The following PLAG1 variants were observed in gnomAD, a reference collection of about 807,000 sequenced individuals.
The protein encoded by PLAG1 is zinc finger protein PLAG1.
A neutral mutation model predicts 35.5 loss-of-function variants in PLAG1; 7 were observed. The ratio of observed to expected loss-of-function variants is 0.20; its 90% CI spans 0.11 to 0.37. PLAG1 has a LOEUF of 0.37. Ranked by LOEUF, PLAG1 falls within the 10% of genes least tolerant of loss-of-function variation. The pLI is 1.00. For synonymous variants in PLAG1, 229 were observed against 225.4 expected (o/e 1.02, Z -0.14); for missense variants, 454 against 602.8 (o/e 0.75, Z 2.58).
chr8:56,193,207 A>G (rs1036085485), intron 1 of PLAG1, among the ~76,000 whole-genome samples: 2 of 152,208 alleles, frequency 1.3e-5, no homozygotes, highest in Non-Finnish European at 2.9e-5. Context: ...TAACTGCATC[A>G]AAAGAGTCTG....
rs564546607 is a variant in PLAG1 at position 56,163,066 on chromosome 8, T to G, written c.*3177A>C. On this transcript the variant is annotated 3_prime_UTR_variant, in exon 5 of 5. Coordinates refer to ENST00000316981, the MANE Select transcript of PLAG1 (RefSeq NM_002655.3). ...ACTTGTATACATCAATGGATAGCAT[T>G]GCTTACAGTGCCAAGATCCTTCCAC... The G allele has an allele frequency of 4.7e-6, 1 of 211,938 alleles. No individual in the cohort carries two copies. Among genetic ancestry groups the G allele is most frequent in the South Asian group, 1.9e-4 (1 of 5,342 alleles). 13.1% of individuals were successfully genotyped at this position (211,938 alleles called of 1,614,324 possible).
rs554326437 is a variant in PLAG1, at chr8:56,201,449, A to C, written c.-322+9672T>G. Among the ~76,000 whole-genome samples the C allele has an allele frequency of 3.9e-5, 6 of 152,316 alleles. No homozygotes were observed. In the South Asian group the frequency reaches 1.2e-3, roughly 32 times the overall value. On this transcript the variant is annotated intron_variant, in intron 1 of 4. Coordinates refer to ENST00000316981, the MANE Select transcript of PLAG1 (RefSeq NM_002655.3). ...TAGAAAAATCTCCTTTAGCTTAATA[A>C]GTTGATAAATTTCCCCAATTCCTTA...
chr8:56,196,815 G>GTC (rs991027250), intron 1 of PLAG1, among the ~76,000 whole-genome samples: 3 of 151,960 alleles, frequency 2.0e-5, no homozygotes, highest in Admixed American at 6.6e-5. Flanking sequence ...CTATGCATGT[G>GTC]TCTCTCTCTC....
intron 1 of PLAG1, among the ~76,000 whole-genome samples, chr8:56,181,214 T>G (rs1563381138): frequency 6.6e-6 from 1 of 152,238 alleles, no homozygotes; most frequent in Non-Finnish European, 1.5e-5. Flanking sequence ...ATCCCATTAC[T>G]GGGTATATAC....
Position 56,167,560 on chromosome 8 carries a change from A to C in PLAG1, c.243-57T>G. The C allele has an allele frequency of 1.8e-6, 2 of 1,138,094 alleles. No individual in the cohort carries two copies. Among genetic ancestry groups the C allele is most frequent in the Non-Finnish European group, 2.5e-6 (2 of 798,524 alleles). 70.5% of individuals were successfully genotyped at this position (1,138,094 alleles called of 1,614,324 possible). ...ATTATGACAAAAATGGCATGTATTCACTTTTCAAATGGAAGCTAAACTACT... is the reference window on the plus strand; with the variant it reads ...ATTATGACAAAAATGGCATGTATTCCCTTTTCAAATGGAAGCTAAACTACT... On this transcript the variant is annotated intron_variant, in intron 4 of 4. Coordinates refer to ENST00000316981, the MANE Select transcript of PLAG1 (RefSeq NM_002655.3). The surrounding 1 kb of genome is among the most constrained non-coding windows in gnomAD (Gnocchi z 5.9).
At position 56,196,787 on chromosome 8, in the gene PLAG1, A is replaced by ATG. The variant is rs1491212175; in HGVS notation, c.-322+14332_-322+14333dup. Among the ~76,000 whole-genome samples, 449 of 148,570 alleles carry ATG rather than the reference A, an allele frequency of 3.0e-3. 1 individual carries two copies. Among genetic ancestry groups the ATG allele is most frequent in the African/African-American group, 9.6e-3 (394 of 41,198 alleles). On this transcript the variant is annotated intron_variant, in intron 1 of 4. Transcript: ENST00000316981. ...TCCTGCCTCCTGCCGTGCATAATAC[A>ATG]TGTGTGTGTGTCCTCCTCTATGCAT...
intron 1 of PLAG1, among the ~76,000 whole-genome samples, chr8:56,184,239 C>A (rs1387200516): frequency 6.6e-6 from 1 of 152,140 alleles, no homozygotes; most frequent in Non-Finnish European, 1.5e-5. Context: ...ACGAAAAGAT[C>A]ACTGATCATT....
Position 56,166,670 on chromosome 8 carries a change from T to G in PLAG1, c.1076A>C (p.Tyr359Ser). The part of the protein sequence containing the change: ...EQPLKGEIES[Y>S]LMELQGGVPS... Reference sequence around the variant, plus strand: ...CACGCCACCTTGTAACTCCATCAGGTAACTCTCAATTTCCCCCTTTAATGG... The same window carrying G: ...CACGCCACCTTGTAACTCCATCAGGGAACTCTCAATTTCCCCCTTTAATGG... The change falls in exon 5 of 5, where the codon TAC (tyrosine) becomes TCC (serine). Residue 359 changes from tyrosine to serine, a missense_variant. Physicochemically the swap from Tyr to Ser is moderately radical, Grantham distance 144. Around this residue, in one of 4 missense-constraint regions of PLAG1, gnomAD observed 271 missense variants for 315.6 expected, o/e 0.86. Coordinates refer to ENST00000316981, the MANE Select transcript of PLAG1 (RefSeq NM_002655.3). 6.2e-7 allele frequency: 1 copy of G among 1,614,112 alleles called. No individual in the cohort carries two copies. Among genetic ancestry groups the G allele is most frequent in the Non-Finnish European group, 8.5e-7 (1 of 1,179,992 alleles).
At chr8:56,186,071 T>A (rs1812009207) in intron 1 of PLAG1, among the ~76,000 whole-genome samples, 1 of 151,882 alleles carries the variant, frequency 6.6e-6, no homozygotes, top group Non-Finnish European at 1.5e-5. Context: ...TTCAGGGGAT[T>A]CACTGTTTTT....
At chr8:56,179,022 A>AC (rs1350071600) in intron 2 of PLAG1, among the ~76,000 whole-genome samples, 8 of 127,020 alleles carry the variant, frequency 6.3e-5, no homozygotes, top group African/African-American at 2.3e-4. Flanking sequence ...CGCCCAGGAG[A>AC]CAAAAAAAAA....
chr8:56,166,786 A>C lies in PLAG1; in HGVS notation c.960T>G (p.Asp320Glu). ...GGTGAGAGGGATGAACAGTGTCCAT[A>C]TCTATTGGGCATGTCATTCCCAAAG... ...TLPLGMTCPIDMDTVHPSHHL... is the reference protein window; with the variant it reads ...TLPLGMTCPIEMDTVHPSHHL... Residue 320 changes from aspartate to glutamate, a missense_variant, in exon 5 of 5, where the codon GAT becomes GAG. By Grantham distance (45) the Asp-to-Glu change is conservative. This residue lies in a region of PLAG1 where 271 missense variants were observed against 315.6 expected (regional missense o/e 0.86). Coordinates refer to ENST00000316981, the MANE Select transcript of PLAG1 (RefSeq NM_002655.3). 6.2e-7 allele frequency: 1 copy of C among 1,614,044 alleles called. No individual in the cohort carries two copies. The highest frequency in any genetic ancestry group is 8.5e-7 in the Non-Finnish European group (1 of 1,179,912).
intron 1 of PLAG1, among the ~76,000 whole-genome samples, chr8:56,199,962 C>A (rs2129233924): frequency 6.6e-6 from 1 of 152,280 alleles, no homozygotes; most frequent in East Asian, 1.9e-4. Flanking sequence ...CAGCTCTGAA[C>A]CTCAGTGGGT....
At chr8:56,191,949 C>T (rs1481695416) in intron 1 of PLAG1, among the ~76,000 whole-genome samples, 8 of 152,012 alleles carry the variant, frequency 5.3e-5, no homozygotes, top group Admixed American at 2.0e-4. Context: ...TTAGGCAAAA[C>T]GATAACAAGT....
intron 1 of PLAG1, among the ~76,000 whole-genome samples, chr8:56,203,959 G>T (rs117049192): frequency 2.8e-3 from 423 of 151,986 alleles, no homozygotes; most frequent in Non-Finnish European, 5.3e-3. Flanking sequence ...CATGTTTGAG[G>T]TGTAGCTTAT....
At position 56,163,296 on chromosome 8, in the gene PLAG1, A is replaced by G; in HGVS notation, c.*2947T>C. The G allele has an allele frequency of 5.2e-6, 1 of 192,256 alleles. No homozygotes were observed. Among genetic ancestry groups the G allele is most frequent in the Middle Eastern group, 1.8e-3 (1 of 556 alleles). 11.9% of individuals were successfully genotyped at this position (192,256 alleles called of 1,614,324 possible). On this transcript the variant is annotated 3_prime_UTR_variant, in exon 5 of 5. Transcript: ENST00000316981. ...TAATGATTCTGGCCACTAGAGAATG[A>G]AAACAGCATTGGCAATACTTATTTT...
chr8:56,188,038 T>C (rs1443502253), intron 1 of PLAG1, among the ~76,000 whole-genome samples: 2 of 152,206 alleles, frequency 1.3e-5, no homozygotes, highest in Non-Finnish European at 2.9e-5. Context: ...AATGCACCTA[T>C]GAAAATATTA....
chr8:56,190,375 A>T (rs1812147536), intron 1 of PLAG1, among the ~76,000 whole-genome samples: 1 of 152,222 alleles, frequency 6.6e-6, no homozygotes. Flanking sequence ...GAAAGCCAGG[A>T]TGCTCTAAGG....
At chr8:56,176,482 G>T (rs1451425813) in intron 2 of PLAG1, among the ~76,000 whole-genome samples, 1 of 151,826 alleles carries the variant, frequency 6.6e-6, no homozygotes, top group Non-Finnish European at 1.5e-5. Flanking sequence ...ACAATGGGTG[G>T]TACAACACTG....
chr8:56,208,811 G>C (rs1412102121), intron 1 of PLAG1, among the ~76,000 whole-genome samples: 2 of 152,234 alleles, frequency 1.3e-5, no homozygotes, highest in Admixed American at 1.3e-4. Flanking sequence ...GTAGTTTATG[G>C]TCAGTAAACA....
Sources: allele counts gnomAD v4.1 joint callset (sites outside exome capture counted in the v4.1 genomes callset), GRCh38; gene constraint gnomAD v4.1.1; regional missense constraint gnomAD v4.1.1; non-coding constraint Gnocchi (gnomAD v3.1); transcripts MANE v1.5; gene names NCBI Gene and HGNC (gene_info 2026-07-23, HGNC 2026-07-21).